The following TMEM63A variants were observed in gnomAD, a reference collection of about 807,000 sequenced individuals.
TMEM63A encodes the protein mechanosensitive cation channel TMEM63A.
In TMEM63A, 76 loss-of-function variants were observed where a neutral mutation model predicts 100.6. The ratio of observed to expected loss-of-function variants is 0.76; its 90% CI spans 0.63 to 0.91. TMEM63A has a LOEUF of 0.91. Ranked by LOEUF, TMEM63A falls within the 40% of genes least tolerant of loss-of-function variation. The probability of loss-of-function intolerance (pLI) is 0.00; values close to 1 mark genes in which losing one functional copy is unlikely to be tolerated. For missense variants in TMEM63A, 876 were observed against 1,008.8 expected (o/e 0.87, Z 1.78); for synonymous variants, 401 against 401.1 (o/e 1.00, Z 0.00).
chr1:225,875,647 C>T (rs1444854465), intron 3 of TMEM63A, among the ~76,000 whole-genome samples: 1 of 152,196 alleles, frequency 6.6e-6, no homozygotes, highest in Non-Finnish European at 1.5e-5. Flanking sequence ...CCTGCCCTCT[C>T]TGTCCACAGC....
At position 225,848,762 on chromosome 1, in the gene TMEM63A, C is replaced by T. The variant is rs188674747; in HGVS notation, c.2187+135G>A. 3.7e-5 allele frequency: 32 copies of T among 873,620 alleles called. No individual in the cohort carries two copies. The African/African-American group carries it at 4.8e-4, about 13-fold the overall frequency. The allele number at this position is 873,620 out of a possible 1,614,324, so 54.1% of individuals were successfully genotyped here. A position where few individuals can be genotyped will look rare whatever the true frequency, so the allele number is the denominator to read the frequency against. On this transcript the variant is annotated intron_variant, in intron 22 of 24. Transcript: ENST00000366835. ...ATGGCACCCAACCACCCACGCCTTT[C>T]CCATGGAGAAGCAGAATCTGGAGAA...
chr1:225,852,159 C>T (rs1669375578), intron 20 of TMEM63A, among the ~76,000 whole-genome samples: 1 of 152,222 alleles, frequency 6.6e-6, no homozygotes, highest in Non-Finnish European at 1.5e-5. Context: ...TAAGAGAGGT[C>T]CTAGCTGAGG....
chr1:225,860,713 G>A (rs1398753052), intron 14 of TMEM63A, 147 bp downstream of exon 14: 4 of 1,009,920 alleles, frequency 4.0e-6, no homozygotes, highest in African/African-American at 3.3e-5. Flanking sequence ...GGGCCACACC[G>A]AGCACATCAC....
chr1:225,873,847 A>G lies in TMEM63A; in HGVS notation c.266+441T>C, dbSNP rs146006004. Among the ~76,000 whole-genome samples the G allele has an allele frequency of 6.1e-4, 93 of 152,352 alleles. 1 individual carries two copies. Among genetic ancestry groups the G allele is most frequent in the African/African-American group, 2.1e-3 (89 of 41,572 alleles). ...CTTAAAAATACTCAAGGTGAGAAAGAAAATGGGCATCCTCTTCAGAGGATG... is the reference window on the plus strand; with the variant it reads ...CTTAAAAATACTCAAGGTGAGAAAGGAAATGGGCATCCTCTTCAGAGGATG... On this transcript the variant is annotated intron_variant, in intron 4 of 24. Coordinates refer to ENST00000366835, the MANE Select transcript of TMEM63A (RefSeq NM_014698.3).
chr1:225,871,775 T>C (rs1228580213), intron 5 of TMEM63A: 4 of 550,876 alleles, frequency 7.3e-6, no homozygotes, highest in Non-Finnish European at 1.3e-5. Flanking sequence ...TCCGTACCCC[T>C]TCCTGCCTGC....
intron 6 of TMEM63A, among the ~76,000 whole-genome samples, chr1:225,869,951 G>A (rs1670418932): frequency 6.6e-6 from 1 of 151,558 alleles, no homozygotes; most frequent in Non-Finnish European, 1.5e-5. Flanking sequence ...GTCAGCCACC[G>A]CAGCCGGCCA....
intron 3 of TMEM63A, among the ~76,000 whole-genome samples, chr1:225,876,429 G>A (rs1670806083): frequency 6.6e-6 from 1 of 152,112 alleles, no homozygotes; most frequent in Non-Finnish European, 1.5e-5. Flanking sequence ...GATGGTCTCT[G>A]CCACATGTTA....
At chr1:225,845,302 C>A (rs369982089), downstream of TMEM63A, 18 of 1,612,494 alleles carry the variant, frequency 1.1e-5, no homozygotes, top group South Asian at 1.8e-4. Flanking sequence ...CGGAGCTGCT[C>A]GCCCAGGACA....
At position 225,848,994 on chromosome 1, in the gene TMEM63A, G is replaced by A. The variant is rs199899559; in HGVS notation, c.2090C>T (p.Thr697Ile). 9 of 1,590,296 alleles carry A rather than the reference G, an allele frequency of 5.7e-6. No homozygotes were observed. The East Asian group carries it at 1.1e-4, about 20-fold the overall frequency. Reference protein sequence around the residue: ...FLRLGMKAPATLFTFLVLLLT... With the variant: ...FLRLGMKAPAILFTFLVLLLT... ...CAGCAGCACCAGGAAGGTGAACAGA[G>A]TGGCGGGGGCCTTCATACCTGGTGA... Residue 697 changes from threonine to isoleucine, a missense_variant, in exon 22 of 25, where the codon ACT (threonine) becomes ATT (isoleucine). Transcript: ENST00000366835.
intron 23 of TMEM63A, 31 bp from the exon 24 acceptor site, chr1:225,847,244 G>A (rs779653127): frequency 1.9e-6 from 3 of 1,604,760 alleles, no homozygotes; most frequent in Non-Finnish European, 2.6e-6. Flanking sequence ...GCTTGGCCTG[G>A]ACAGGCATGA....
At chr1:225,852,135 C>G (rs1418838766) in intron 20 of TMEM63A, among the ~76,000 whole-genome samples, 1 of 152,250 alleles carries the variant, frequency 6.6e-6, no homozygotes, top group Non-Finnish European at 1.5e-5. Context: ...CAGAGAACCT[C>G]AGACCAGAAA....
chr1:225,847,443 G>A, intron 23 of TMEM63A: 1 of 491,066 alleles, frequency 2.0e-6, no homozygotes, highest in Non-Finnish European at 3.6e-6. Context: ...GATCACAGAA[G>A]GAAGCACAAG....
chr1:225,862,764 C>T lies in TMEM63A; in HGVS notation c.827+7G>A. 1 of 1,614,004 alleles carries T rather than the reference C, an allele frequency of 6.2e-7. No individual in the cohort carries two copies. The highest frequency in any genetic ancestry group is 1.1e-5 in the South Asian group (1 of 91,076). ...GGGGCATCTTGCAAGGCCCGCCCAC[C>T]ACTCACTTCTCCTTGCACAGGTAGA... On this transcript the variant is annotated splice_region_variant and intron_variant, in intron 11 of 24. Transcript: ENST00000366835. This position sits in a 1 kb window ranked among gnomAD's most constrained non-coding sequence, Gnocchi z 5.1.
At position 225,846,839 on chromosome 1, in the gene TMEM63A, T is replaced by C; in HGVS notation, c.*100A>G. The C allele has an allele frequency of 1.7e-6, 1 of 585,298 alleles. No homozygotes were observed. The highest frequency in any genetic ancestry group is 2.8e-6 in the Non-Finnish European group (1 of 359,462). 36.3% of individuals were successfully genotyped at this position (585,298 alleles called of 1,614,324 possible). A position where few individuals can be genotyped will look rare whatever the true frequency, so the allele number is the denominator to read the frequency against. On this transcript the variant is annotated 3_prime_UTR_variant, in exon 25 of 25. Coordinates refer to ENST00000366835, the MANE Select transcript of TMEM63A (RefSeq NM_014698.3). Reference sequence around the variant, plus strand: ...GCTGGGACCAGAAAAGATGGGCACCTGATAGCTCAGCTGGGCAGTCCCAAC... The same window carrying C: ...GCTGGGACCAGAAAAGATGGGCACCCGATAGCTCAGCTGGGCAGTCCCAAC...
In TMEM63A at chr1:225,862,816, T is replaced by G; in HGVS notation, c.782A>C (p.Gln261Pro). ...CAGTTTGGCCACGTTGTAGCACAGC[T>G]GCACATCAACCACCTCACACGTGGG... ...AYPTCEVVDV[Q>P]LCYNVAKLIY... is the part of the protein sequence containing the mutation. Residue 261 changes from glutamine (Q) to proline (P), a missense_variant, in exon 11 of 25, where the codon CAG becomes CCG. Transcript: ENST00000366835. The surrounding 1 kb of genome is among the most constrained non-coding windows in gnomAD (Gnocchi z 5.1). 1.2e-6 allele frequency: 2 copies of G among 1,613,916 alleles called. No individual in the cohort carries two copies. The highest frequency in any genetic ancestry group is 1.7e-6 in the Non-Finnish European group (2 of 1,179,992).
chr1:225,842,589 T>A, downstream of TMEM63A: 1 of 826,230 alleles, frequency 1.2e-6, no homozygotes, highest in Non-Finnish European at 2.1e-6. Context: ...AATTCTATTG[T>A]TGGCTTTCTT....
chr1:225,866,039 C>A, intron 9 of TMEM63A, 72 bp from the exon 10 acceptor site: 2 of 1,481,816 alleles, frequency 1.3e-6, no homozygotes, highest in East Asian at 2.3e-5. Flanking sequence ...GTTTCCTACC[C>A]AACTCCAGCC....
intron 14 of TMEM63A, 110 bp from the exon 15 acceptor site, chr1:225,859,459 G>GTTCTCTGCAC: frequency 1.5e-6 from 2 of 1,365,072 alleles, no homozygotes; most frequent in Admixed American, 2.2e-5. Flanking sequence ...CTGGGGGCAA[G>GTTCTCTGCAC]TTCTCTGCAC....
chr1:225,848,412 CG>C, intron 23 of TMEM63A, 79 bp downstream of exon 23: 1 of 1,447,386 alleles, frequency 6.9e-7, no homozygotes, highest in Non-Finnish European at 9.5e-7. Flanking sequence ...AAAGATTTGC[CG>C]GGGCCCATCT....
Sources: allele counts gnomAD v4.1 joint callset (sites outside exome capture counted in the v4.1 genomes callset), GRCh38; gene constraint gnomAD v4.1.1; non-coding constraint Gnocchi (gnomAD v3.1); transcripts MANE v1.5; gene names NCBI Gene and HGNC (gene_info 2026-07-23, HGNC 2026-07-21).